The following PLCB4 variants were observed in gnomAD, a reference collection of about 807,000 sequenced individuals.
PLCB4 encodes the protein 1-phosphatidylinositol 4,5-bisphosphate phosphodiesterase beta-4.
Under a neutral mutation model 178.8 loss-of-function variants are expected in PLCB4, and 77 were observed. The ratio of observed to expected loss-of-function variants is 0.43; its 90% CI spans 0.36 to 0.52. PLCB4 has a LOEUF of 0.52. Among genes scored for constraint, PLCB4 ranks in the 20% least tolerant of loss-of-function variants. The pLI is 0.00. For synonymous variants in PLCB4, 496 were observed against 490.8 expected (o/e 1.01, Z -0.14); for missense variants, 1,024 against 1,453.4 (o/e 0.70, Z 4.80).
intron 4 of PLCB4, among the ~76,000 whole-genome samples, chr20:9,318,448 A>G (rs1411634820): frequency 2.6e-5 from 4 of 152,100 alleles, no homozygotes; most frequent in African/African-American, 7.2e-5. Context: ...CTGAAAAGAT[A>G]TCTCAAAAGG....
At chr20:9,302,209 G>C (rs566435719) in intron 3 of PLCB4, among the ~76,000 whole-genome samples, 34 of 152,076 alleles carry the variant, frequency 2.2e-4, no homozygotes, top group Admixed American at 1.4e-3. Flanking sequence ...TGTGGGTTGG[G>C]ATTTGAGATA....
chr20:9,404,053 G>A (rs1568749106), intron 20 of PLCB4, among the ~76,000 whole-genome samples: 2 of 152,172 alleles, frequency 1.3e-5, no homozygotes, highest in Non-Finnish European at 2.9e-5. Flanking sequence ...GTGGCCAAGG[G>A]CACCTGAGGA....
intron 2 of PLCB4, among the ~76,000 whole-genome samples, chr20:9,113,248 C>T (rs182383255): frequency 1.2e-4 from 18 of 152,242 alleles, no homozygotes; most frequent in Admixed American, 6.5e-4. Context: ...GTTTTAGAGT[C>T]GGAGCCCTTT....
In PLCB4 at chr20:9,438,916, C is replaced by G. The variant is rs560865816; in HGVS notation, c.2764+1764C>G. Among the ~76,000 whole-genome samples, 3 of 152,144 alleles carry G rather than the reference C, an allele frequency of 2.0e-5. No homozygotes were observed. In the East Asian group the frequency reaches 5.8e-4, roughly 29 times the overall value. On this transcript the variant is annotated intron_variant, in intron 30 of 39. Transcript: ENST00000378473. ...CTAATAAAGAAAAACAAGGAAAATG[C>G]AAAAGAGAGTACATGGTAAAACAAG...
chr20:9,374,977 G>A (rs971379819), intron 12 of PLCB4, among the ~76,000 whole-genome samples: 1 of 151,810 alleles, frequency 6.6e-6, no homozygotes, highest in Non-Finnish European at 1.5e-5. Context: ...CATTAAGGAA[G>A]TACCTTAAAT....
chr20:9,348,704 G>A (rs1480204168), intron 7 of PLCB4, among the ~76,000 whole-genome samples: 1 of 152,064 alleles, frequency 6.6e-6, no homozygotes, highest in African/African-American at 2.4e-5. Context: ...TTTTTAGCTG[G>A]CATTTTTCTT....
chr20:9,364,139 A>G (rs547932150), intron 8 of PLCB4, among the ~76,000 whole-genome samples: 10 of 152,192 alleles, frequency 6.6e-5, no homozygotes, highest in African/African-American at 2.2e-4. Context: ...ATCTATTTCT[A>G]TGTGTTGTGC....
At chr20:9,239,536 A>T (rs1353112554) in intron 3 of PLCB4, among the ~76,000 whole-genome samples, 1 of 152,192 alleles carries the variant, frequency 6.6e-6, no homozygotes, top group Non-Finnish European at 1.5e-5. Flanking sequence ...CCAAGTATCC[A>T]GGGAAAACTG....
intron 2 of PLCB4, among the ~76,000 whole-genome samples, chr20:9,127,514 G>A (rs2092146773): frequency 6.6e-6 from 1 of 151,912 alleles, no homozygotes; most frequent in African/African-American, 2.4e-5. Flanking sequence ...GATTTCTATG[G>A]ATGGTTTTCC....
rs1204573401 is a variant in PLCB4 at position 9,151,706 on chromosome 20, C to T, written c.-79+55364C>T. On this transcript the variant is annotated intron_variant, in intron 2 of 39. Coordinates refer to ENST00000378473, the MANE Select transcript of PLCB4 (RefSeq NM_001377142.1). ...TCAGCAGTGTGAAAACAAACTAATA[C>T]AGTAAATTGGTACCAGTAGAGTGGG... Among the ~76,000 whole-genome samples, 4 of 152,124 alleles carry T rather than the reference C, an allele frequency of 2.6e-5. No homozygotes were observed. The East Asian group carries it at 5.8e-4, about 22-fold the overall frequency.
At position 9,409,105 on chromosome 20, in the gene PLCB4, C is replaced by T. The variant is rs145620817; in HGVS notation, c.1923C>T (p.Val641=). 18 of 1,607,540 alleles carry T rather than the reference C, an allele frequency of 1.1e-5. No homozygotes were observed. The highest frequency in any genetic ancestry group is 3.3e-4 in the Middle Eastern group (2 of 6,066). The part of the protein sequence containing the change: ...MSRIYPKGGR[V]DSSNYMPQIF... ...GCATTTACCCCAAGGGAGGCCGAGT[C>T]GATTCCAGTAATTACATGCCTCAGA... The change falls in exon 24 of 40, where the codon GTC becomes GTT. Residue 641 remains valine (V), a synonymous_variant. Transcript: ENST00000378473.
At chr20:9,256,541 A>T (rs1411287170) in intron 3 of PLCB4, among the ~76,000 whole-genome samples, 1 of 152,192 alleles carries the variant, frequency 6.6e-6, no homozygotes, top group Non-Finnish European at 1.5e-5. Context: ...TTTTAGTTGG[A>T]TTCATTTTCA....
At chr20:9,089,118 C>T (rs2090565418) in intron 1 of PLCB4, among the ~76,000 whole-genome samples, 1 of 151,760 alleles carries the variant, frequency 6.6e-6, no homozygotes, top group African/African-American at 2.4e-5. Flanking sequence ...TATATCAGTT[C>T]ATTAGTTAGC....
At position 9,077,707 on chromosome 20, in the gene PLCB4, C is replaced by T. The variant is rs376214421; in HGVS notation, c.-135+8501C>T. 2.6e-5 allele frequency among the ~76,000 whole-genome samples: 4 copies of T among 152,188 alleles called. No homozygotes were observed. In the South Asian group the frequency reaches 8.3e-4, roughly 31 times the overall value. On this transcript the variant is annotated intron_variant, in intron 1 of 39. Transcript: ENST00000378473. Reference sequence around the variant, plus strand: ...AACTCTAGACCCTTCCCAGCAGGGACATGTCCATAAGCACCCTTTAATCTG... The same window carrying T: ...AACTCTAGACCCTTCCCAGCAGGGATATGTCCATAAGCACCCTTTAATCTG...
intron 32 of PLCB4, among the ~76,000 whole-genome samples, chr20:9,447,134 A>G (rs2042461215): frequency 6.6e-6 from 1 of 152,200 alleles, no homozygotes; most frequent in South Asian, 2.1e-4. Context: ...GTATTCTCAT[A>G]ACAGTTATAT....
chr20:9,462,743 G>A (rs947542169), intron 35 of PLCB4, among the ~76,000 whole-genome samples: 10 of 152,142 alleles, frequency 6.6e-5, no homozygotes, highest in African/African-American at 2.4e-4. Flanking sequence ...AAGGAACAAA[G>A]CCTCCAAGAA....
chr20:9,411,721 TAAAA>T (rs11468073), intron 25 of PLCB4, among the ~76,000 whole-genome samples: 3 of 143,378 alleles, frequency 2.1e-5, no homozygotes, highest in African/African-American at 7.4e-5. Context: ...TCTCTTGAGA[TAAAA>T]AAAAAAAAAC....
chr20:9,297,331 G>A (rs909560167), intron 3 of PLCB4, among the ~76,000 whole-genome samples: 3 of 151,950 alleles, frequency 2.0e-5, no homozygotes, highest in Non-Finnish European at 2.9e-5. Flanking sequence ...AGATGCAAAG[G>A]GATAGGAATA....
intron 2 of PLCB4, among the ~76,000 whole-genome samples, chr20:9,161,214 G>A (rs2092882587): frequency 6.6e-6 from 1 of 152,194 alleles, no homozygotes; most frequent in African/African-American, 2.4e-5. Context: ...TGGGGCTAGG[G>A]TTTGAACGCA....
Sources: allele counts gnomAD v4.1 joint callset (sites outside exome capture counted in the v4.1 genomes callset), GRCh38; gene constraint gnomAD v4.1.1; transcripts MANE v1.5; gene names NCBI Gene and HGNC (gene_info 2026-07-23, HGNC 2026-07-21).